Variants in KCNT1 observed in about 807,000 individuals in gnomAD.
KCNT1 encodes the protein potassium sodium-activated channel subfamily T member 1.
KCNT1 carries 78 observed loss-of-function variants against 147.8 expected under a neutral mutation model. That is an observed-to-expected ratio of 0.53 (90% CI 0.44 to 0.64). The LOEUF (loss-of-function observed/expected upper bound fraction) is 0.64. Ranked by LOEUF, KCNT1 falls within the 30% of genes least tolerant of loss-of-function variation. KCNT1 has a pLI of 0.00. For missense variants in KCNT1, 1,419 were observed against 1,750.3 expected, an observed-to-expected ratio of 0.81 and a Z score of 3.38; for synonymous variants, 867 against 748.8, an observed-to-expected ratio of 1.16 and a Z score of -2.58.
chr9:135,764,832 C>T (rs911345749), intron 11 of KCNT1, among the ~76,000 whole-genome samples, 199 bp from the exon 12 acceptor site: 3 of 152,140 alleles, frequency 2.0e-5, no homozygotes, highest in African/African-American at 7.2e-5. Flanking sequence ...GCCGGGCCTG[C>T]GTCCTGCTCT....
intron 24 of KCNT1, among the ~76,000 whole-genome samples, chr9:135,779,870 C>CT (rs1437509534): frequency 6.6e-6 from 1 of 152,272 alleles, no homozygotes; most frequent in Admixed American, 6.5e-5. Context: ...AGATAACGCA[C>CT]ACGGCTGCAC....
At chr9:135,715,239 G>A (rs1835678432) in intron 2 of KCNT1, among the ~76,000 whole-genome samples, 1 of 152,236 alleles carries the variant, frequency 6.6e-6, no homozygotes, top group African/African-American at 2.4e-5. Flanking sequence ...GGCTAAAAAG[G>A]CAAAATGAAT....
chr9:135,751,072 C>T (rs767486416), intron 4 of KCNT1, 31 bp downstream of exon 4: 1 of 1,586,532 alleles, frequency 6.3e-7, no homozygotes, highest in Admixed American at 1.7e-5. Flanking sequence ...GGCGCGGGGT[C>T]CCGGGTCCCA....
intron 3 of KCNT1, 121 bp downstream of exon 3, chr9:135,750,298 A>C (rs2131408593): frequency 4.2e-6 from 3 of 709,562 alleles, no homozygotes; most frequent in Non-Finnish European, 7.3e-6. Context: ...GGTGGGAGCC[A>C]CCTGAGTGCT....
chr9:135,784,435 G>T, intron 25 of KCNT1, 100 bp from the exon 26 acceptor site: 1 of 872,838 alleles, frequency 1.1e-6, no homozygotes, highest in Non-Finnish European at 1.8e-6. Context: ...CGTGGCCGGT[G>T]GGGTATGGAC....
chr9:135,726,324 C>T (rs1001791496), intron 2 of KCNT1, among the ~76,000 whole-genome samples: 3 of 152,044 alleles, frequency 2.0e-5, no homozygotes, highest in Non-Finnish European at 4.4e-5. Context: ...CCCTGGGTCT[C>T]GGATCCCTTC....
intron 1 of KCNT1, among the ~76,000 whole-genome samples, chr9:135,707,781 C>T (rs1461391511): frequency 6.6e-6 from 1 of 152,204 alleles, no homozygotes; most frequent in Non-Finnish European, 1.5e-5. Context: ...CACTGTGCTG[C>T]TGGCCTTCCC....
rs150222138 is a variant in KCNT1, at chr9:135,772,893, C to T, written c.2187C>T (p.Ser729=). ...SSALLPCDLL[S]DQSEDEVTPS... ...CCCTGCTGCCCTGCGACCTGCTGAG[C>T]GACCAGTCGGAGGATGAGGTGACGC... is the stretch of plus-strand genomic sequence containing the variant. Residue 729 remains serine (S), a synonymous_variant, in exon 19 of 31, where the codon AGC becomes AGT. Coordinates refer to ENST00000371757, the MANE Select transcript of KCNT1 (RefSeq NM_020822.3). 1.8e-4 allele frequency: 277 copies of T among 1,558,388 alleles called. No homozygotes were observed. The highest frequency in any genetic ancestry group is 2.2e-4 in the Non-Finnish European group (258 of 1,152,982).
chr9:135,745,680 G>A (rs1479166796), intron 2 of KCNT1, among the ~76,000 whole-genome samples: 1 of 152,236 alleles, frequency 6.6e-6, no homozygotes, highest in Non-Finnish European at 1.5e-5. Flanking sequence ...GCTGTCCTCG[G>A]GACACGCCGG....
intron 2 of KCNT1, among the ~76,000 whole-genome samples, chr9:135,748,094 G>A (rs1338940831): frequency 3.9e-5 from 6 of 152,130 alleles, no homozygotes; most frequent in African/African-American, 9.7e-5. Flanking sequence ...GGCACGTGCC[G>A]CCATGCCTGG....
intron 16 of KCNT1, 82 bp from the exon 17 acceptor site, chr9:135,770,216 G>A: frequency 6.7e-7 from 1 of 1,501,566 alleles, no homozygotes; most frequent in Non-Finnish European, 9.0e-7. Flanking sequence ...GGAAGCAGAG[G>A]GGGGCACCTG....
At chr9:135,715,210 G>A (rs1304540224) in intron 2 of KCNT1, among the ~76,000 whole-genome samples, 1 of 152,150 alleles carries the variant, frequency 6.6e-6, no homozygotes. Context: ...CCGTGTCCCC[G>A]TCCCCTCAAC....
In KCNT1 at chr9:135,792,577, T is replaced by A. The variant is rs1834619247; in HGVS notation, c.*416T>A. 5.9e-6 allele frequency: 1 copy of A among 169,466 alleles called. No homozygotes were observed. Among genetic ancestry groups the A allele is most frequent in the African/African-American group, 2.4e-5 (1 of 41,632 alleles). 10.5% of individuals were successfully genotyped at this position (169,466 alleles called of 1,614,324 possible). A position where few individuals can be genotyped will look rare whatever the true frequency, so the allele number is the denominator to read the frequency against. On this transcript the variant is annotated 3_prime_UTR_variant, in exon 31 of 31. Coordinates refer to ENST00000371757, the MANE Select transcript of KCNT1 (RefSeq NM_020822.3). Reference sequence around the variant, plus strand: ...GAGCCCCGCGTGGGCCACACCCAACTCAGAGCCGGCCTGAGCGTTCACGGC... The same window carrying A: ...GAGCCCCGCGTGGGCCACACCCAACACAGAGCCGGCCTGAGCGTTCACGGC...
chr9:135,774,477 A>G (rs1239293981), intron 19 of KCNT1, among the ~76,000 whole-genome samples: 3 of 118,634 alleles, frequency 2.5e-5, no homozygotes, highest in East Asian at 2.7e-4. Context: ...CGTGTGTGGT[A>G]CGTGTTGTGT....
At position 135,768,948 on chromosome 9, in the gene KCNT1, G is replaced by A; in HGVS notation, c.1510+11G>A. ...ACGTCAAGTTTGCTGGTGCGTCTGG[G>A]GCACACGTGGGTGATGGTGTATCTG... On this transcript the variant is annotated intron_variant, in intron 15 of 30. Transcript: ENST00000371757. 1 of 1,598,510 alleles carries A rather than the reference G, an allele frequency of 6.3e-7. No homozygotes were observed. The highest frequency in any genetic ancestry group is 8.6e-7 in the Non-Finnish European group (1 of 1,169,584).
chr9:135,708,618 A>G (rs1308981079), intron 1 of KCNT1, among the ~76,000 whole-genome samples: 2 of 152,164 alleles, frequency 1.3e-5, no homozygotes, highest in African/African-American at 2.4e-5. Context: ...TGGCGCAGTC[A>G]TGGCTCACCG....
chr9:135,784,955 A>C, intron 27 of KCNT1, 66 bp downstream of exon 27: 1 of 1,566,712 alleles, frequency 6.4e-7, no homozygotes, highest in Non-Finnish European at 8.6e-7. Context: ...CAGCATCCCC[A>C]CCTTCCGGGG....
chr9:135,759,768 T>A lies in KCNT1; in HGVS notation c.944T>A (p.Val315Glu). The change falls in exon 11 of 31, where the codon GTG becomes GAG. Residue 315 changes from valine (V) to glutamate (E), a missense_variant. Physicochemically the swap from Val to Glu is moderately radical, Grantham distance 121. Around this residue, in one of 5 missense-constraint regions of KCNT1, gnomAD observed 401 missense variants for 610.6 expected, o/e 0.66. Coordinates refer to ENST00000371757, the MANE Select transcript of KCNT1 (RefSeq NM_020822.3). ...TTCTGCATCGTCACCTTCTCCACCG[T>A]GGGCTACGGTGACGTCACGCCCAAG... ...FYFCIVTFST[V>E]GYGDVTPKIW... The A allele has an allele frequency of 6.2e-7, 1 of 1,613,618 alleles. No homozygotes were observed. The highest frequency in any genetic ancestry group is 8.5e-7 in the Non-Finnish European group (1 of 1,179,880).
intron 19 of KCNT1, among the ~76,000 whole-genome samples, chr9:135,774,427 TTG>T (rs1832998058): frequency 8.1e-6 from 1 of 123,650 alleles, no homozygotes; most frequent in African/African-American, 3.3e-5. Context: ...TGTCTGTGTG[TTG>T]TGTGGTGTGT....
Sources: gnomAD v4.1 joint callset for allele counts (sites outside exome capture counted in the v4.1 genomes callset) on GRCh38, gnomAD v4.1.1 for gene constraint, gnomAD v4.1.1 regional missense constraint, MANE v1.5 for transcripts, NCBI Gene and HGNC (gene_info 2026-07-23, HGNC 2026-07-21) for gene names.